AKAP7: variants seen among roughly 807,000 people sequenced by gnomAD.
AKAP7 encodes the protein A-kinase anchoring protein 7, also known as A kinase (PRKA) anchor protein 7.
Under a neutral mutation model 39.5 loss-of-function variants are expected in AKAP7, and 39 were observed. The observed-to-expected ratio is 0.99, with a 90% confidence interval of 0.76 to 1.29. The LOEUF is 1.29. Among genes scored for constraint, AKAP7 ranks in the 50% most tolerant of loss-of-function variants. The probability of loss-of-function intolerance (pLI) is 0.00; values close to 1 mark genes in which losing one functional copy is unlikely to be tolerated. For synonymous variants in AKAP7, 140 were observed against 139.1 expected (o/e 1.01, Z -0.05); for missense variants, 414 against 407.7 (o/e 1.02, Z -0.13).
At chr6:131,253,936 T>G (rs1462605253) in intron 7 of AKAP7, among the ~76,000 whole-genome samples, 3 of 152,156 alleles carry the variant, frequency 2.0e-5, no homozygotes, top group Non-Finnish European at 4.4e-5. Context: ...GCAGTAAACA[T>G]CGGGGTGCAG....
At chr6:131,271,231 T>G (rs1321575859) in intron 7 of AKAP7, among the ~76,000 whole-genome samples, 1 of 152,088 alleles carries the variant, frequency 6.6e-6, no homozygotes, top group African/African-American at 2.4e-5. Flanking sequence ...TCATTTTAAT[T>G]TTTATATTGG....
intron 6 of AKAP7, among the ~76,000 whole-genome samples, chr6:131,209,733 G>GT (rs144765237): frequency 0.029 from 4,421 of 152,184 alleles, 146 homozygotes; most frequent in African/African-American, 0.08. Context: ...TCAGCGAGTC[G>GT]TTTTTAGACA....
intron 7 of AKAP7, among the ~76,000 whole-genome samples, chr6:131,232,797 G>GA (rs1374546078): frequency 1.3e-5 from 2 of 151,628 alleles, no homozygotes; most frequent in African/African-American, 2.4e-5. Flanking sequence ...CTCAAAAAAA[G>GA]AAAAAAGAAA....
rs537001724 is a variant in AKAP7 at position 131,159,294 on chromosome 6, C to T, written c.152-765C>T. Among the ~76,000 whole-genome samples the T allele has an allele frequency of 5.7e-4, 86 of 151,876 alleles. 1 individual carries two copies. The highest frequency in any genetic ancestry group is 5.2e-4 in the Admixed American group (8 of 15,254). ...ATTTTTAGTAGAGACGAGGTTTCAC[C>T]GTGTTAGCCAGGATGGTCTTGATCT... is the stretch of plus-strand genomic sequence containing the variant. On this transcript the variant is annotated intron_variant, in intron 2 of 7. Coordinates refer to ENST00000431975, the MANE Select transcript of AKAP7 (RefSeq NM_016377.4).
At chr6:131,135,915 G>T in intron 1 of AKAP7, 133 bp downstream of exon 1, 1 of 1,045,664 alleles carries the variant, frequency 9.6e-7, no homozygotes, top group African/African-American at 1.7e-5. Context: ...CTTCCCAAAA[G>T]GACTCAGGGT....
chr6:131,179,607 C>T (rs1234409128), intron 5 of AKAP7, among the ~76,000 whole-genome samples: 1 of 152,124 alleles, frequency 6.6e-6, no homozygotes, highest in East Asian at 1.9e-4. Flanking sequence ...CGTTAAGGCT[C>T]ACATAATCCC....
intron 1 of AKAP7, among the ~76,000 whole-genome samples, chr6:131,140,627 T>C (rs1800955100): frequency 6.6e-6 from 1 of 152,234 alleles, no homozygotes; most frequent in African/African-American, 2.4e-5. Context: ...CAATTTTTTA[T>C]CACTAAATTC....
intron 4 of AKAP7, among the ~76,000 whole-genome samples, chr6:131,167,725 G>A (rs1803644452): frequency 6.6e-6 from 1 of 152,096 alleles, no homozygotes; most frequent in Non-Finnish European, 1.5e-5. Context: ...TTTTGGAAAT[G>A]AGAAATGTAC....
At chr6:131,138,643 G>C (rs752156904) in intron 1 of AKAP7, among the ~76,000 whole-genome samples, 1 of 152,200 alleles carries the variant, frequency 6.6e-6, no homozygotes, top group Non-Finnish European at 1.5e-5. Context: ...TGTGGTGCCA[G>C]AAAGGGCATA....
At chr6:131,258,083 G>C (rs1813011121) in intron 7 of AKAP7, among the ~76,000 whole-genome samples, 1 of 152,116 alleles carries the variant, frequency 6.6e-6, no homozygotes, top group African/African-American at 2.4e-5. Flanking sequence ...AGAAGTGAGA[G>C]TTCTCTGACT....
At chr6:131,275,401 GT>G (rs1475488757) in intron 7 of AKAP7, among the ~76,000 whole-genome samples, 2 of 152,172 alleles carry the variant, frequency 1.3e-5, no homozygotes, top group Non-Finnish European at 2.9e-5. Context: ...CTGAATGTAT[GT>G]TTTGCTTTTC....
chr6:131,223,458 A>AT (rs1809879738), intron 7 of AKAP7, among the ~76,000 whole-genome samples: 1 of 152,232 alleles, frequency 6.6e-6, no homozygotes, highest in Non-Finnish European at 1.5e-5. Context: ...GACTTCAGCT[A>AT]TTTTAAACAG....
chr6:131,210,067 T>A (rs1344995677), intron 6 of AKAP7, among the ~76,000 whole-genome samples: 1 of 152,228 alleles, frequency 6.6e-6, no homozygotes, highest in Non-Finnish European at 1.5e-5. Context: ...AATAATTAAC[T>A]GCATAGTGAA....
chr6:131,131,702 C>A (rs9492844), upstream of AKAP7, among the ~76,000 whole-genome samples: 71,369 of 151,624 alleles, frequency 0.47, 17,923 homozygotes, highest in Non-Finnish European at 0.56. Flanking sequence ...ATGGTCAGAG[C>A]GGGCACAAGG....
chr6:131,152,474 T>C (rs1344070414), intron 2 of AKAP7, among the ~76,000 whole-genome samples: 2 of 152,240 alleles, frequency 1.3e-5, no homozygotes, highest in Admixed American at 1.3e-4. Context: ...GATTTTATAC[T>C]TTGACCATAT....
intron 2 of AKAP7, among the ~76,000 whole-genome samples, chr6:131,149,288 A>G (rs1341357996): frequency 2.6e-5 from 4 of 152,250 alleles, no homozygotes; most frequent in Admixed American, 2.6e-4. Context: ...TGAGAATATA[A>G]AAGTATATTA....
At chr6:131,180,646 C>T (rs1194719028) in intron 5 of AKAP7, among the ~76,000 whole-genome samples, 1 of 152,034 alleles carries the variant, frequency 6.6e-6, no homozygotes, top group Non-Finnish European at 1.5e-5. Flanking sequence ...CATTACTGTC[C>T]TTTTCTCAAA....
At chr6:131,136,818 C>T (rs1224122418) in intron 1 of AKAP7, 1 of 982,870 alleles carries the variant, frequency 1.0e-6, no homozygotes, top group Non-Finnish European at 1.2e-6. Context: ...TTGATTTCTA[C>T]GCAGCTGTCA....
At chr6:131,271,902 T>C (rs1260419010) in intron 7 of AKAP7, among the ~76,000 whole-genome samples, 1 of 152,190 alleles carries the variant, frequency 6.6e-6, no homozygotes. Context: ...GCATTGGTAG[T>C]GTGTCTAATG....
Sources: gnomAD v4.1 joint callset for allele counts (sites outside exome capture counted in the v4.1 genomes callset) on GRCh38, gnomAD v4.1.1 for gene constraint, MANE v1.5 for transcripts, NCBI Gene and HGNC (gene_info 2026-07-23, HGNC 2026-07-21) for gene names.